Variants in OSBPL5 observed in about 807,000 individuals in gnomAD.
OSBPL5 encodes oxysterol-binding protein-related protein 5.
In OSBPL5, 71 loss-of-function variants were observed where a neutral mutation model predicts 111.2. The observed-to-expected ratio is 0.64, with a 90% CI of 0.53 to 0.78. The LOEUF is 0.78. Ranked by LOEUF, OSBPL5 falls within the 30% of genes least tolerant of loss-of-function variation. The pLI is 0.00. For synonymous variants in OSBPL5, 549 were observed against 513.9 expected, an observed-to-expected ratio of 1.07 and a Z score of -0.93; for missense variants, 1,210 against 1,189.3, an observed-to-expected ratio of 1.02 and a Z score of -0.26.
At position 3,103,812 on chromosome 11, in the gene OSBPL5, C is replaced by CAGCCTA. The variant is rs1564830390; in HGVS notation, c.1244+380_1244+381insTAGGCT. ...CCTTCCTGCCTCTGCAGCCCTCTTC[C>CAGCCTA]TGCCTGCGCAGCCCCCTTCCAGCCT... On this transcript the variant is annotated intron_variant, in intron 10 of 21. Transcript: ENST00000263650. Among the ~76,000 whole-genome samples the CAGCCTA allele has an allele frequency of 1.7e-4, 13 of 74,634 alleles. 1 individual carries two copies. Among genetic ancestry groups the CAGCCTA allele is most frequent in the African/African-American group, 6.3e-4 (13 of 20,608 alleles). 49.0% of individuals were successfully genotyped at this position (74,634 alleles called of 152,430 possible). A position where few individuals can be genotyped will look rare whatever the true frequency, so the allele number is the denominator to read the frequency against.
intron 1 of OSBPL5, among the ~76,000 whole-genome samples, chr11:3,151,624 C>A (rs1419146542): frequency 1.3e-5 from 2 of 152,196 alleles, no homozygotes; most frequent in Non-Finnish European, 2.9e-5. Context: ...ATTTCCCCCA[C>A]GGCACAAAAA....
At chr11:3,148,424 A>AC (rs1846442344) in intron 1 of OSBPL5, among the ~76,000 whole-genome samples, 1 of 152,180 alleles carries the variant, frequency 6.6e-6, no homozygotes, top group Admixed American at 6.5e-5. Context: ...TTTGCCCCCC[A>AC]CACCTTCCTG....
chr11:3,103,859 C>CCGCCCCCTTCCAGCCTCT (rs1564830734), intron 10 of OSBPL5, among the ~76,000 whole-genome samples: 2 of 40,588 alleles, frequency 4.9e-5, no homozygotes, highest in Non-Finnish European at 1.2e-4. Flanking sequence ...TTCCAGTCTG[C>CCGCCCCCTTCCAGCCTCT]GCAGCCCCCT....
Position 3,088,269 on chromosome 11 carries a change from CG to C in OSBPL5, c.2575del (p.Arg859AspfsTer33). 2 of 1,608,730 alleles carry C rather than the reference CG, an allele frequency of 1.2e-6. No individual in the cohort carries two copies. Among genetic ancestry groups the C allele is most frequent in the Non-Finnish European group, 1.7e-6 (2 of 1,177,676 alleles). On this transcript the variant is annotated frameshift_variant, in exon 22 of 22. Coordinates refer to ENST00000263650, the MANE Select transcript of OSBPL5 (RefSeq NM_020896.4). LOFTEE classifies it high-confidence loss of function. ...APTPGLLQSP[R>X]SWFLLCVFLA... ...GAACACGCAGAGCAGGAACCAGGAT[CG>C]GGGGCTCTGCAGGAGGCCTGGGGTC...
rs967831687 is a variant in OSBPL5 at position 3,122,540 on chromosome 11, C to T, written c.220-112G>A. 5 of 910,928 alleles carry T rather than the reference C, an allele frequency of 5.5e-6. No individual in the cohort carries two copies. In the African/African-American group the frequency reaches 8.3e-5, roughly 15 times the overall value. 56.4% of individuals were successfully genotyped at this position (910,928 alleles called of 1,614,324 possible). On this transcript the variant is annotated intron_variant, in intron 3 of 21. Transcript: ENST00000263650. ...AGGGCAGAAGTCAGAGAAGGGCGCT[C>T]CACTCGTTTCCCGCCTGGCACCCTC...
At chr11:3,089,545 G>A (rs1856986750) in intron 21 of OSBPL5, among the ~76,000 whole-genome samples, 1 of 152,208 alleles carries the variant, frequency 6.6e-6, no homozygotes, top group Non-Finnish European at 1.5e-5. Context: ...CTCTCCTGGG[G>A]CTACCCCAGG....
rs952315244 is a variant in OSBPL5 at position 3,141,841 on chromosome 11, A to G, written c.-21-12672T>C. Among the ~76,000 whole-genome samples the G allele has an allele frequency of 1.1e-4, 16 of 145,946 alleles. No homozygotes were observed. The South Asian group carries it at 2.1e-3, about 19-fold the overall frequency. ...TGGGAGGACTCTACGCCCTGGAAGG[A>G]AAAAAGACTGCAAGAGTACAAATGC... On this transcript the variant is annotated intron_variant, in intron 1 of 21. Transcript: ENST00000263650. This position sits in a 1 kb window ranked among gnomAD's most constrained non-coding sequence, Gnocchi z 6.5.
chr11:3,160,680 C>G (rs893098015), intron 1 of OSBPL5, among the ~76,000 whole-genome samples: 12 of 141,338 alleles, frequency 8.5e-5, no homozygotes, highest in Non-Finnish European at 1.7e-4. Flanking sequence ...CCTCCCCCCC[C>G]CCACCCCGCC....
Position 3,113,679 on chromosome 11 carries a change from T to A in OSBPL5, c.692-5734A>T, listed in dbSNP as rs1858093585. 6.6e-6 allele frequency among the ~76,000 whole-genome samples: 1 copy of A among 152,074 alleles called. No homozygotes were observed. The highest frequency in any genetic ancestry group is 1.5e-5 in the Non-Finnish European group (1 of 68,010). Reference sequence around the variant, plus strand: ...CAAAAAAAAAAAAATTTATATTGGTTTAATAAAAATAGCTACATCTTAAAT... The same window carrying A: ...CAAAAAAAAAAAAATTTATATTGGTATAATAAAAATAGCTACATCTTAAAT... On this transcript the variant is annotated intron_variant, in intron 7 of 21. Transcript: ENST00000263650. This position sits in a 1 kb window ranked among gnomAD's most constrained non-coding sequence, Gnocchi z 4.8.
rs776727959 is a variant in OSBPL5 at position 3,104,288 on chromosome 11, G to C, written c.1149C>G (p.Asp383Glu). The C allele has an allele frequency of 6.2e-7, 1 of 1,613,846 alleles. No homozygotes were observed. The highest frequency in any genetic ancestry group is 8.5e-7 in the Non-Finnish European group (1 of 1,179,998). Reference sequence around the variant, plus strand: ...ACGTGGGTAGCACCACGCGGGACAGGTCCATGCCTGGCCGTAGCTGCTTCA... The same window carrying C: ...ACGTGGGTAGCACCACGCGGGACAGCTCCATGCCTGGCCGTAGCTGCTTCA... ...TLLKQLRPGMDLSRVVLPTFV... is the reference protein window; with the variant it reads ...TLLKQLRPGMELSRVVLPTFV... The change falls in exon 10 of 22, where the codon GAC becomes GAG. Residue 383 changes from aspartate to glutamate, a missense_variant. Transcript: ENST00000263650. This position sits in a 1 kb window ranked among gnomAD's most constrained non-coding sequence, Gnocchi z 5.0.
chr11:3,111,197 C>T (rs887216852), intron 7 of OSBPL5, among the ~76,000 whole-genome samples: 14 of 141,040 alleles, frequency 9.9e-5, no homozygotes, highest in East Asian at 2.7e-4. Context: ...AAAATTTGGT[C>T]GAGATCTAAA....
At chr11:3,151,663 C>T (rs1012440897) in intron 1 of OSBPL5, among the ~76,000 whole-genome samples, 3 of 152,238 alleles carry the variant, frequency 2.0e-5, no homozygotes. Context: ...CTGGGATCCC[C>T]GCTGAACACA....
rs187656393 is a variant in OSBPL5 at position 3,122,268 on chromosome 11, T to C, written c.300+80A>G. 275 of 1,462,936 alleles carry C rather than the reference T, an allele frequency of 1.9e-4. 4 individuals carry two copies. The East Asian group carries it at 5.9e-3, about 31-fold the overall frequency. 90.6% of individuals were successfully genotyped at this position (1,462,936 alleles called of 1,614,324 possible). On this transcript the variant is annotated intron_variant, in intron 4 of 21. Transcript: ENST00000263650. ...CGGTTTGTCCCCTCCTTTTGACAGGTGGGGAGGGTGACCTCCCTGGCTCAG... is the reference window on the plus strand; with the variant it reads ...CGGTTTGTCCCCTCCTTTTGACAGGCGGGGAGGGTGACCTCCCTGGCTCAG...
intron 19 of OSBPL5, among the ~76,000 whole-genome samples, chr11:3,091,576 C>T (rs564968850): frequency 5.9e-5 from 9 of 151,838 alleles, no homozygotes; most frequent in Non-Finnish European, 7.4e-5. Flanking sequence ...AGCGGGACTG[C>T]GAGGGTCTGG....
chr11:3,088,251 C>G lies in OSBPL5; in HGVS notation c.2594G>C (p.Cys865Ser), dbSNP rs759104300. The G allele has an allele frequency of 3.7e-6, 6 of 1,606,216 alleles. No individual in the cohort carries two copies. Among genetic ancestry groups the G allele is most frequent in the Admixed American group, 1.7e-5 (1 of 58,938 alleles). ...LQSPRSWFLL[C>S]VFLACQLFIN... The stretch of plus-strand genomic sequence containing the variant: ...GAACAGCTGACACGCCAGGAACACG[C>G]AGAGCAGGAACCAGGATCGGGGGCT... Residue 865 changes from cysteine to serine, a missense_variant, in exon 22 of 22, where the codon TGC (cysteine) becomes TCC (serine). Cys to Ser is a moderately radical substitution (Grantham distance 112, BLOSUM62 -1). Transcript: ENST00000263650.
In OSBPL5 at chr11:3,088,176, A is replaced by G. The variant is rs183659677; in HGVS notation, c.*29T>C. On this transcript the variant is annotated 3_prime_UTR_variant, in exon 22 of 22. Coordinates refer to ENST00000263650, the MANE Select transcript of OSBPL5 (RefSeq NM_020896.4). ...GGGTGCCTGGGAGGGAGGGCTCAGG[A>G]CCGGCCAGGAGCTCTGCCCTCAGGG... 2.5e-4 allele frequency: 380 copies of G among 1,533,072 alleles called. No homozygotes were observed. The African/African-American group carries it at 4.4e-3, about 18-fold the overall frequency. 95.0% of individuals were successfully genotyped at this position (1,533,072 alleles called of 1,614,324 possible).
intron 1 of OSBPL5, among the ~76,000 whole-genome samples, chr11:3,145,941 T>A (rs1013000746): frequency 6.6e-6 from 1 of 152,076 alleles, no homozygotes; most frequent in Non-Finnish European, 1.5e-5. Context: ...CACTGGTACA[T>A]CCTCCCGGGG....
At chr11:3,136,782 G>A (rs992481061) in intron 1 of OSBPL5, among the ~76,000 whole-genome samples, 4 of 152,218 alleles carry the variant, frequency 2.6e-5, no homozygotes, top group Non-Finnish European at 2.9e-5. Flanking sequence ...GGGCTGGGCC[G>A]CGCTGCATGG....
At chr11:3,137,429 A>G (rs1205486311) in intron 1 of OSBPL5, among the ~76,000 whole-genome samples, 2 of 152,186 alleles carry the variant, frequency 1.3e-5, no homozygotes, top group Admixed American at 6.5e-5. Context: ...GTCCTCCTGG[A>G]TGTTCTGTCC....
Sources: allele counts gnomAD v4.1 joint callset (sites outside exome capture counted in the v4.1 genomes callset), GRCh38; gene constraint gnomAD v4.1.1; non-coding constraint Gnocchi (gnomAD v3.1); transcripts MANE v1.5; gene names NCBI Gene and HGNC (gene_info 2026-07-23, HGNC 2026-07-21).